Variants in SEMA5B observed in about 807,000 individuals in gnomAD.
The protein encoded by SEMA5B is semaphorin-5B.
A neutral mutation model predicts 135.0 loss-of-function variants in SEMA5B; 66 were observed. That is an observed-to-expected ratio of 0.49 (90% CI 0.40 to 0.60). The LOEUF (loss-of-function observed/expected upper bound fraction) is 0.60. Among genes scored for constraint, SEMA5B ranks in the 20% least tolerant of loss-of-function variants. SEMA5B has a pLI of 0.00. For synonymous variants in SEMA5B, 690 were observed against 639.5 expected (o/e 1.08, Z -1.19); for missense variants, 1,501 against 1,566.3 (o/e 0.96, Z 0.70).
chr3:122,984,151 T>C (rs1360069232), intron 1 of SEMA5B, among the ~76,000 whole-genome samples: 3 of 152,240 alleles, frequency 2.0e-5, no homozygotes, highest in African/African-American at 2.4e-5. Context: ...TCTCCTTCAC[T>C]GTCTCCCGCC....
chr3:122,913,122 T>TC, intron 17 of SEMA5B, 61 bp from the exon 18 acceptor site: 1 of 1,417,466 alleles, frequency 7.1e-7, no homozygotes, highest in East Asian at 2.8e-5. Flanking sequence ...GGCCTGGGCC[T>TC]CCCCGGGGCT....
chr3:122,959,022 A>G (rs1940462396), intron 2 of SEMA5B, among the ~76,000 whole-genome samples: 2 of 152,226 alleles, frequency 1.3e-5, no homozygotes. Context: ...GGGCTCTGAC[A>G]CAGATTACAT....
At chr3:122,962,889 A>G (rs1019005630) in intron 1 of SEMA5B, among the ~76,000 whole-genome samples, 1 of 151,878 alleles carries the variant, frequency 6.6e-6, no homozygotes, top group African/African-American at 2.4e-5. Context: ...CTCTCATTTG[A>G]CACGTGTATA....
chr3:122,956,649 C>T (rs867202542), intron 2 of SEMA5B, among the ~76,000 whole-genome samples: 1 of 152,086 alleles, frequency 6.6e-6, no homozygotes, highest in Non-Finnish European at 1.5e-5. Context: ...CCAACAGGTG[C>T]CCCCTGCACA....
rs570827098 is a variant in SEMA5B at position 122,913,041 on chromosome 3, G to T, written c.2527C>A (p.Arg843Ser). The change falls in exon 18 of 23, where the codon CGC (arginine) becomes AGC (serine). Residue 843 changes from arginine (R) to serine (S), a missense_variant. Physicochemically the swap from Arg to Ser is moderately radical, Grantham distance 110. This residue lies in a region of SEMA5B where 927 missense variants were observed against 881.6 expected (regional missense o/e 1.05). Transcript: ENST00000357599. ...DTDALVEVLL[R>S]SGSTSPHTVS... is the part of the protein sequence containing the mutation. ...GTGTGCGGGGAGGTGCTCCCGCTGC[G>T]CAGGAGGACCTCCACCAGGGCTGCG... The T allele has an allele frequency of 1.9e-6, 3 of 1,556,396 alleles. No homozygotes were observed. Among genetic ancestry groups the T allele is most frequent in the Non-Finnish European group, 2.6e-6 (3 of 1,152,422 alleles).
At position 122,909,907 on chromosome 3, in the gene SEMA5B, C is replaced by T; in HGVS notation, c.*236G>A. On this transcript the variant is annotated 3_prime_UTR_variant, in exon 23 of 23. Transcript: ENST00000357599. Reference sequence around the variant, plus strand: ...AGCGTGACAGTGGGTTGGAAGATAACCATGAGAGACCTGGGCTGAACTGGA... The same window carrying T: ...AGCGTGACAGTGGGTTGGAAGATAATCATGAGAGACCTGGGCTGAACTGGA... 2.0e-6 allele frequency: 1 copy of T among 507,202 alleles called. No individual in the cohort carries two copies. Among genetic ancestry groups the T allele is most frequent in the African/African-American group, 1.9e-5 (1 of 51,882 alleles). The allele number at this position is 507,202 out of a possible 1,614,324, so 31.4% of individuals were successfully genotyped here. A position where few individuals can be genotyped will look rare whatever the true frequency, so the allele number is the denominator to read the frequency against.
intron 2 of SEMA5B, among the ~76,000 whole-genome samples, chr3:122,959,283 G>A (rs1210744313): frequency 6.6e-6 from 1 of 152,148 alleles, no homozygotes. Context: ...CTGAGGCACA[G>A]ACCAGTTAAA....
Position 122,913,339 on chromosome 3 carries a change from T to G in SEMA5B, c.2366A>C (p.Gln789Pro), listed in dbSNP as rs1176305459. 1 of 1,580,172 alleles carries G rather than the reference T, an allele frequency of 6.3e-7. No homozygotes were observed. The highest frequency in any genetic ancestry group is 2.3e-5 in the East Asian group (1 of 43,972). Residue 789 changes from glutamine (Q) to proline (P), a missense_variant, in exon 17 of 23, where the codon CAG becomes CCG. Physicochemically the swap from Gln to Pro is moderately conservative, Grantham distance 76. Transcript: ENST00000357599. ...WTPWLPVNVT[Q>P]GGARQEQRFR... Reference sequence around the variant, plus strand: ...CCGCTGCTCCTGCCGTGCCCCGCCCTGCGTCACGTTCACGGGCAGCCACGG... The same window carrying G: ...CCGCTGCTCCTGCCGTGCCCCGCCCGGCGTCACGTTCACGGGCAGCCACGG...
At chr3:122,968,077 G>C (rs536171361) in intron 1 of SEMA5B, among the ~76,000 whole-genome samples, 63 of 152,318 alleles carry the variant, frequency 4.1e-4, no homozygotes, top group African/African-American at 1.5e-3. Context: ...TCCGCTCCAA[G>C]GCCCAGCAAC....
At chr3:122,929,646 T>C (rs1437645496) in intron 5 of SEMA5B, among the ~76,000 whole-genome samples, 5 of 152,000 alleles carry the variant, frequency 3.3e-5, no homozygotes, top group African/African-American at 4.8e-5. Flanking sequence ...ATTCCAAAGG[T>C]TATGTGTGTT....
intron 1 of SEMA5B, among the ~76,000 whole-genome samples, chr3:122,981,572 C>A (rs1461424772): frequency 6.6e-6 from 1 of 152,246 alleles, no homozygotes; most frequent in Non-Finnish European, 1.5e-5. Flanking sequence ...TCCCCATTCT[C>A]TTCTCAACGA....
intron 1 of SEMA5B, among the ~76,000 whole-genome samples, chr3:123,017,643 C>A (rs1942592601): frequency 6.6e-6 from 1 of 152,234 alleles, no homozygotes; most frequent in Non-Finnish European, 1.5e-5. Flanking sequence ...CGCAGTGGCT[C>A]ACACCTGTAA....
At chr3:122,999,086 G>A (rs1222257140) in intron 1 of SEMA5B, among the ~76,000 whole-genome samples, 1 of 152,096 alleles carries the variant, frequency 6.6e-6, no homozygotes, top group Admixed American at 6.5e-5. Context: ...CAGCCCGGAG[G>A]CCCTCCTTCC....
At chr3:122,999,383 T>C (rs370780961) in intron 1 of SEMA5B, among the ~76,000 whole-genome samples, 5 of 152,060 alleles carry the variant, frequency 3.3e-5, no homozygotes, top group African/African-American at 9.7e-5. Context: ...CCTGTGACCA[T>C]GCCCGGCTGA....
chr3:122,988,247 G>A (rs540302569), intron 1 of SEMA5B, among the ~76,000 whole-genome samples: 1 of 152,326 alleles, frequency 6.6e-6, no homozygotes, highest in South Asian at 2.1e-4. Flanking sequence ...GGAAACTGAG[G>A]CGATAGGGTT....
intron 1 of SEMA5B, among the ~76,000 whole-genome samples, chr3:123,023,539 AAAGTAGG>A (rs1269601575): frequency 6.6e-6 from 1 of 152,172 alleles, no homozygotes; most frequent in Non-Finnish European, 1.5e-5. Flanking sequence ...CCACAGGTAC[AAAGTAGG>A]TGTTTAGCTT....
chr3:123,010,922 G>A (rs1942426081), intron 1 of SEMA5B, among the ~76,000 whole-genome samples: 1 of 152,134 alleles, frequency 6.6e-6, no homozygotes, highest in Non-Finnish European at 1.5e-5. Context: ...GCAAATAGCG[G>A]GTGTGAATCA....
At chr3:122,964,522 T>C (rs1940734526) in intron 1 of SEMA5B, among the ~76,000 whole-genome samples, 1 of 152,222 alleles carries the variant, frequency 6.6e-6, no homozygotes, top group African/African-American at 2.4e-5. Context: ...TGCAACCACT[T>C]GCATTTTTTG....
At chr3:122,980,958 T>G (rs1023723410) in intron 1 of SEMA5B, among the ~76,000 whole-genome samples, 2 of 152,268 alleles carry the variant, frequency 1.3e-5, no homozygotes, top group Admixed American at 6.5e-5. Flanking sequence ...CATAATGTCT[T>G]CAGGGTTTAT....
Sources: gnomAD v4.1 joint callset for allele counts (sites outside exome capture counted in the v4.1 genomes callset) on GRCh38, gnomAD v4.1.1 for gene constraint, gnomAD v4.1.1 regional missense constraint, MANE v1.5 for transcripts, NCBI Gene and HGNC (gene_info 2026-07-23, HGNC 2026-07-21) for gene names.